The following SDC2 variants were observed in gnomAD, a reference collection of about 807,000 sequenced individuals.
SDC2 encodes syndecan-2.
Under a neutral mutation model 22.2 loss-of-function variants are expected in SDC2, and 13 were observed. That is an observed-to-expected ratio of 0.59 (90% CI 0.38 to 0.93). SDC2 has a LOEUF of 0.93. Among genes scored for constraint, SDC2 ranks in the 40% least tolerant of loss-of-function variants. SDC2 has a pLI of 0.00. For synonymous variants in SDC2, 94 were observed against 92.8 expected (o/e 1.01, Z -0.07); for missense variants, 235 against 246.8 (o/e 0.95, Z 0.32).
At chr8:96,559,575 C>A (rs1586299685) in intron 1 of SDC2, among the ~76,000 whole-genome samples, 1 of 152,208 alleles carries the variant, frequency 6.6e-6, no homozygotes, top group Non-Finnish European at 1.5e-5. Context: ...ATACCAGATA[C>A]TGCCTCCAGT....
intron 1 of SDC2, among the ~76,000 whole-genome samples, chr8:96,532,747 T>C (rs756378090): frequency 1.2e-4 from 19 of 152,124 alleles, no homozygotes; most frequent in Admixed American, 5.2e-4. Context: ...ACTTAATGGC[T>C]GAGTACATCC....
chr8:96,582,224 T>C (rs1358506773), intron 1 of SDC2, among the ~76,000 whole-genome samples: 1 of 151,596 alleles, frequency 6.6e-6, no homozygotes, highest in Non-Finnish European at 1.5e-5. Flanking sequence ...GTTAAAAATT[T>C]TGGCCAGGAA....
chr8:96,571,879 C>G (rs983801771), intron 1 of SDC2, among the ~76,000 whole-genome samples: 2 of 152,188 alleles, frequency 1.3e-5, no homozygotes, highest in Admixed American at 1.3e-4. Context: ...GCCTTTGGAT[C>G]CTGGCGCTGT....
intron 1 of SDC2, among the ~76,000 whole-genome samples, chr8:96,543,497 T>G (rs1330232123): frequency 3.3e-5 from 5 of 152,206 alleles, no homozygotes; most frequent in Non-Finnish European, 4.4e-5. Flanking sequence ...ACAAAATAAG[T>G]GTTTTATAAT....
intron 1 of SDC2, among the ~76,000 whole-genome samples, chr8:96,500,680 AAG>A (rs1813147907): frequency 1.3e-5 from 2 of 151,718 alleles, no homozygotes; most frequent in African/African-American, 2.4e-5. Context: ...AAAAAAAAAA[AAG>A]AGTGGAAATG....
At chr8:96,605,697 G>T (rs1346498582) in intron 3 of SDC2, among the ~76,000 whole-genome samples, 1 of 152,174 alleles carries the variant, frequency 6.6e-6, no homozygotes, top group East Asian at 1.9e-4. Flanking sequence ...CTTGCAATTT[G>T]GGAATGACAG....
intron 1 of SDC2, among the ~76,000 whole-genome samples, chr8:96,546,851 T>A (rs1388688799): frequency 6.6e-6 from 1 of 152,220 alleles, no homozygotes; most frequent in Non-Finnish European, 1.5e-5. Context: ...AGTCTCTGGC[T>A]TCTGATTCCT....
intron 4 of SDC2, among the ~76,000 whole-genome samples, chr8:96,608,875 A>C (rs1237892192): frequency 6.6e-6 from 1 of 152,196 alleles, no homozygotes; most frequent in Non-Finnish European, 1.5e-5. Context: ...AAGTGTTAAG[A>C]ACGTTGTTTC....
At position 96,609,879 on chromosome 8, in the gene SDC2, T is replaced by G. The variant is rs1446114903; in HGVS notation, c.*331T>G. 2.3e-5 allele frequency: 4 copies of G among 171,146 alleles called. No individual in the cohort carries two copies. The highest frequency in any genetic ancestry group is 9.5e-5 in the African/African-American group (4 of 42,220). The allele number at this position is 171,146 out of a possible 1,614,324, so 10.6% of individuals were successfully genotyped here. A position where few individuals can be genotyped will look rare whatever the true frequency, so the allele number is the denominator to read the frequency against. On this transcript the variant is annotated 3_prime_UTR_variant, in exon 5 of 5. Transcript: ENST00000302190. Reference sequence around the variant, plus strand: ...ACTCAAAGATGAAAGCTGTTTCATTTGTGTCAGCATGTCTCAGATTGACCT... The same window carrying G: ...ACTCAAAGATGAAAGCTGTTTCATTGGTGTCAGCATGTCTCAGATTGACCT...
chr8:96,598,681 G>C (rs988227195), intron 2 of SDC2, among the ~76,000 whole-genome samples: 3 of 151,892 alleles, frequency 2.0e-5, no homozygotes, highest in Non-Finnish European at 4.4e-5. Flanking sequence ...AGACAGAACC[G>C]GTGCCCTGGT....
intron 1 of SDC2, among the ~76,000 whole-genome samples, chr8:96,537,685 G>A (rs1253275462): frequency 1.3e-5 from 2 of 152,054 alleles, no homozygotes; most frequent in Non-Finnish European, 2.9e-5. Context: ...TACTGGTTTC[G>A]GATGCTATTT....
chr8:96,493,994 G>C lies in SDC2; in HGVS notation c.-278G>C. 1.9e-6 allele frequency: 1 copy of C among 515,590 alleles called. No individual in the cohort carries two copies. Among genetic ancestry groups the C allele is most frequent in the South Asian group, 2.7e-5 (1 of 37,458 alleles). 31.9% of individuals were successfully genotyped at this position (515,590 alleles called of 1,614,324 possible). A position where few individuals can be genotyped will look rare whatever the true frequency, so the allele number is the denominator to read the frequency against. On this transcript the variant is annotated 5_prime_UTR_variant, in exon 1 of 5. Transcript: ENST00000302190. ...AGCAGAGCAAGAAGAGCTTCAGAGA[G>C]CAGCCTTCCCGGAGCACCAACTCCG...
chr8:96,556,838 A>G (rs1814123169), intron 1 of SDC2, among the ~76,000 whole-genome samples: 1 of 151,520 alleles, frequency 6.6e-6, no homozygotes, highest in African/African-American at 2.4e-5. Flanking sequence ...TGAACAGGCA[A>G]CCTACAAAAT....
intron 1 of SDC2, among the ~76,000 whole-genome samples, chr8:96,589,953 T>C (rs1295256292): frequency 6.6e-6 from 1 of 152,218 alleles, no homozygotes; most frequent in Non-Finnish European, 1.5e-5. Flanking sequence ...GTATCTTGCC[T>C]TCCTTCTAGG....
intron 1 of SDC2, among the ~76,000 whole-genome samples, chr8:96,517,331 G>A (rs1813416650): frequency 1.3e-5 from 2 of 152,122 alleles, no homozygotes; most frequent in Non-Finnish European, 2.9e-5. Flanking sequence ...AGTTTTAGAT[G>A]TTTATGAAGT....
intron 1 of SDC2, among the ~76,000 whole-genome samples, chr8:96,501,636 G>C (rs1292759546): frequency 6.6e-6 from 1 of 151,924 alleles, no homozygotes; most frequent in Non-Finnish European, 1.5e-5. Context: ...TGTGTAATTT[G>C]TTATTAAATA....
chr8:96,592,682 T>G (rs1814802125), intron 1 of SDC2, among the ~76,000 whole-genome samples: 1 of 152,236 alleles, frequency 6.6e-6, no homozygotes. Context: ...GCTGTGGAAC[T>G]GGTATACTTA....
chr8:96,534,538 G>T (rs753793881), intron 1 of SDC2, among the ~76,000 whole-genome samples: 1 of 152,042 alleles, frequency 6.6e-6, no homozygotes, highest in African/African-American at 2.4e-5. Flanking sequence ...GGGCTCAAGC[G>T]ATCCTCCCAC....
At chr8:96,536,775 G>A (rs1813761421) in intron 1 of SDC2, among the ~76,000 whole-genome samples, 1 of 152,196 alleles carries the variant, frequency 6.6e-6, no homozygotes, top group African/African-American at 2.4e-5. Context: ...GGTAGACCAG[G>A]TAGGATAGGG....
Sources: gnomAD v4.1 joint callset for allele counts (sites outside exome capture counted in the v4.1 genomes callset) on GRCh38, gnomAD v4.1.1 for gene constraint, MANE v1.5 for transcripts, NCBI Gene and HGNC (gene_info 2026-07-23, HGNC 2026-07-21) for gene names.